CHD5: variants seen among roughly 807,000 people sequenced by gnomAD.
The protein encoded by CHD5 is ATP-dependent chromatin remodeler CHD5.
CHD5 carries 69 observed loss-of-function variants against 230.3 expected under a neutral mutation model. The ratio of observed to expected loss-of-function variants is 0.30; its 90% CI spans 0.25 to 0.37. The LOEUF is 0.37. Ranked by LOEUF, CHD5 falls within the 10% of genes least tolerant of loss-of-function variation. CHD5 has a pLI of 1.00. For synonymous variants in CHD5, 1,064 were observed against 1,065.9 expected (o/e 1.00, Z 0.03); for missense variants, 1,827 against 2,622.8 (o/e 0.70, Z 6.63).
At chr1:6,149,199 A>T in intron 8 of CHD5, 47 bp downstream of exon 8, 1 of 1,512,156 alleles carries the variant, frequency 6.6e-7, no homozygotes, top group South Asian at 1.3e-5. Flanking sequence ...GGGGTGGGGG[A>T]GCCAGGCGTG....
chr1:6,146,131 G>T lies in CHD5; in HGVS notation c.1802+81C>A. The T allele has an allele frequency of 1.4e-6, 2 of 1,396,220 alleles. No homozygotes were observed. The highest frequency in any genetic ancestry group is 2.0e-6 in the Non-Finnish European group (2 of 1,002,910). The allele number at this position is 1,396,220 out of a possible 1,614,324, so 86.5% of individuals were successfully genotyped here. A position where few individuals can be genotyped will look rare whatever the true frequency, so the allele number is the denominator to read the frequency against. On this transcript the variant is annotated intron_variant, in intron 11 of 41. Transcript: ENST00000262450. The surrounding 1 kb of genome is among the most constrained non-coding windows in gnomAD (Gnocchi z 5.1). ...CAAAGCAAGGGCCCTGGCACCCTGC[G>T]CTGCACCCATTTTACAGGGCAAAGA...
rs1204901502 is a variant in CHD5 at position 6,112,291 on chromosome 1, A to T, written c.5003-14T>A. The T allele has an allele frequency of 1.2e-6, 2 of 1,610,656 alleles. No individual in the cohort carries two copies. Among genetic ancestry groups the T allele is most frequent in the African/African-American group, 2.7e-5 (2 of 74,832 alleles). On this transcript the variant is annotated splice_polypyrimidine_tract_variant and intron_variant, in intron 34 of 41. Transcript: ENST00000262450. ...CCTTGGTGTCATCTGCCGGGGACAG[A>T]TCACATTCATTCATCCATCCATCCA...
In CHD5 at chr1:6,154,094, C is replaced by G. The variant is rs1225297305; in HGVS notation, c.745+566G>C. Among the ~76,000 whole-genome samples, 1 of 152,304 alleles carries G rather than the reference C, an allele frequency of 6.6e-6. No individual in the cohort carries two copies. Among genetic ancestry groups the G allele is most frequent in the East Asian group, 1.9e-4 (1 of 5,174 alleles). ...AGAACAGCCTCCCTGGGAAGCGAGA[C>G]CTGGCCGTGCCCAGTCCCTCCAACT... On this transcript the variant is annotated intron_variant, in intron 5 of 41. Coordinates refer to ENST00000262450, the MANE Select transcript of CHD5 (RefSeq NM_015557.3). This position sits in a 1 kb window ranked among gnomAD's most constrained non-coding sequence, Gnocchi z 7.0.
In CHD5 at chr1:6,109,993, G is replaced by A. The variant is rs1488979626; in HGVS notation, c.5383-3C>T. 1 of 1,531,522 alleles carries A rather than the reference G, an allele frequency of 6.5e-7. No individual in the cohort carries two copies. Among genetic ancestry groups the A allele is most frequent in the Non-Finnish European group, 8.8e-7 (1 of 1,142,068 alleles). The allele number at this position is 1,531,522 out of a possible 1,614,324, so 94.9% of individuals were successfully genotyped here. On this transcript the variant is annotated splice_region_variant and splice_polypyrimidine_tract_variant and intron_variant, in intron 37 of 41. Transcript: ENST00000262450. ...ATGACCAACGCCTGCTCCAGCAGCTGGGGGCGGGGCGCAGCGTCGGCCCGG... is the reference window on the plus strand; with the variant it reads ...ATGACCAACGCCTGCTCCAGCAGCTAGGGGCGGGGCGCAGCGTCGGCCCGG...
At chr1:6,158,565 C>T (rs1314860218) in intron 3 of CHD5, among the ~76,000 whole-genome samples, 4 of 152,228 alleles carry the variant, frequency 2.6e-5, no homozygotes, top group African/African-American at 9.6e-5. Flanking sequence ...GTACCAGCTA[C>T]TCAGAAGGCT....
intron 20 of CHD5, among the ~76,000 whole-genome samples, chr1:6,133,679 A>G (rs537015823): frequency 1.3e-5 from 2 of 152,252 alleles, no homozygotes; most frequent in Non-Finnish European, 2.9e-5. Context: ...ACTATGACAG[A>G]CGCAAACAAA....
chr1:6,131,809 G>T lies in CHD5; in HGVS notation c.3145-61C>A, dbSNP rs953478496. 1.3e-5 allele frequency: 14 copies of T among 1,076,982 alleles called. No individual in the cohort carries two copies. The highest frequency in any genetic ancestry group is 2.0e-4 in the Middle Eastern group (1 of 4,886). 66.7% of individuals were successfully genotyped at this position (1,076,982 alleles called of 1,614,324 possible). A position where few individuals can be genotyped will look rare whatever the true frequency, so the allele number is the denominator to read the frequency against. On this transcript the variant is annotated intron_variant, in intron 20 of 41. Transcript: ENST00000262450. The surrounding 1 kb of genome is among the most constrained non-coding windows in gnomAD (Gnocchi z 5.0). ...GAGCAAGGGGCCCCATGGGCCATGG[G>T]CGGGGACCCCGCCACAGGCAGGGGA...
intron 1 of CHD5, among the ~76,000 whole-genome samples, chr1:6,178,280 ACCTTCC>A (rs386628054): frequency 0.032 from 4,909 of 152,040 alleles, 265 homozygotes; most frequent in African/African-American, 0.11. Context: ...GACTGGGGGC[ACCTTCC>A]CTGGCCTCTT....
At position 6,129,055 on chromosome 1, in the gene CHD5, G is replaced by T. The variant is rs761577357; in HGVS notation, c.3402C>A (p.Ala1134=). 1 of 1,603,142 alleles carries T rather than the reference G, an allele frequency of 6.2e-7. No homozygotes were observed. Among genetic ancestry groups the T allele is most frequent in the Non-Finnish European group, 8.5e-7 (1 of 1,175,050 alleles). ...PHNDIQAFSR[A]HRIGQNKKVM... is the part of the protein sequence containing the mutation. ...CCTTCTTGTTCTGGCCGATGCGGTG[G>T]GCGCGGCTGAAGGCCTGGGGAGACC... The change falls in exon 23 of 42, where the codon GCC becomes GCA. Residue 1134 remains alanine (A), a synonymous_variant. Coordinates refer to ENST00000262450, the MANE Select transcript of CHD5 (RefSeq NM_015557.3). The surrounding 1 kb of genome is among the most constrained non-coding windows in gnomAD (Gnocchi z 6.8).
At position 6,134,570 on chromosome 1, in the gene CHD5, G is replaced by A. The variant is rs1170688932; in HGVS notation, c.3012+148C>T. ...GTGGCCACAGGCAACCTTCCATGATGGCCAGGGAAACCTACCATGACAGCC... is the reference window on the plus strand; with the variant it reads ...GTGGCCACAGGCAACCTTCCATGATAGCCAGGGAAACCTACCATGACAGCC... On this transcript the variant is annotated intron_variant, in intron 19 of 41. Coordinates refer to ENST00000262450, the MANE Select transcript of CHD5 (RefSeq NM_015557.3). This position sits in a 1 kb window ranked among gnomAD's most constrained non-coding sequence, Gnocchi z 6.3. 2 of 913,944 alleles carry A rather than the reference G, an allele frequency of 2.2e-6. No individual in the cohort carries two copies. The highest frequency in any genetic ancestry group is 3.5e-6 in the Non-Finnish European group (2 of 578,790). The allele number at this position is 913,944 out of a possible 1,614,324, so 56.6% of individuals were successfully genotyped here. A position where few individuals can be genotyped will look rare whatever the true frequency, so the allele number is the denominator to read the frequency against.
Position 6,106,799 on chromosome 1 carries a change from G to T in CHD5, c.5579-20C>A. ...TCAGGACTGTGGTGGGAGGCGGAGGGATGGTAGGATGCAGGGATGGAGGGG... is the reference window on the plus strand; with the variant it reads ...TCAGGACTGTGGTGGGAGGCGGAGGTATGGTAGGATGCAGGGATGGAGGGG... On this transcript the variant is annotated intron_variant, in intron 38 of 41. Coordinates refer to ENST00000262450, the MANE Select transcript of CHD5 (RefSeq NM_015557.3). 1 of 1,423,514 alleles carries T rather than the reference G, an allele frequency of 7.0e-7. No individual in the cohort carries two copies. The highest frequency in any genetic ancestry group is 1.1e-5 in the South Asian group (1 of 87,964). The allele number at this position is 1,423,514 out of a possible 1,614,324, so 88.2% of individuals were successfully genotyped here.
Position 6,128,743 on chromosome 1 carries a change from T to A in CHD5, c.3619+95A>T, listed in dbSNP as rs1883766. 165,926 of 1,270,706 alleles carry A rather than the reference T, an allele frequency of 0.13. 12,949 individuals are homozygous for A. The highest frequency in any genetic ancestry group is 0.37 in the East Asian group (15,444 of 41,256). The allele number at this position is 1,270,706 out of a possible 1,614,324, so 78.7% of individuals were successfully genotyped here. ...TGGGGGGTGCAGAAGAGAGGCTGTGTGTTGGAGCGGGCAGGGACCCAAGCA... is the reference window on the plus strand; with the variant it reads ...TGGGGGGTGCAGAAGAGAGGCTGTGAGTTGGAGCGGGCAGGGACCCAAGCA... On this transcript the variant is annotated intron_variant, in intron 23 of 41. Coordinates refer to ENST00000262450, the MANE Select transcript of CHD5 (RefSeq NM_015557.3). This position sits in a 1 kb window ranked among gnomAD's most constrained non-coding sequence, Gnocchi z 7.8.
chr1:6,115,152 A>C (rs1190495446), intron 33 of CHD5, among the ~76,000 whole-genome samples: 1 of 151,954 alleles, frequency 6.6e-6, no homozygotes, highest in Non-Finnish European at 1.5e-5. Context: ...CTCTACTAAA[A>C]ATACAAAAAA....
rs537026878 is a variant in CHD5, at chr1:6,103,400, C to G, written c.*2074G>C. Reference sequence around the variant, plus strand: ...CAAGCCTGCCTGAGAGGAAGGCGCACAGGGGAGGGACCATCAGCCCTTGGG... The same window carrying G: ...CAAGCCTGCCTGAGAGGAAGGCGCAGAGGGGAGGGACCATCAGCCCTTGGG... On this transcript the variant is annotated 3_prime_UTR_variant, in exon 42 of 42. Transcript: ENST00000262450. 6.6e-6 allele frequency: 1 copy of G among 152,670 alleles called. No homozygotes were observed. Among genetic ancestry groups the G allele is most frequent in the Non-Finnish European group, 1.5e-5 (1 of 68,326 alleles). The allele number at this position is 152,670 out of a possible 1,614,324, so 9.5% of individuals were successfully genotyped here.
chr1:6,106,727 C>T lies in CHD5; in HGVS notation c.5631G>A (p.Arg1877=), dbSNP rs1263487415. 7 of 1,611,788 alleles carry T rather than the reference C, an allele frequency of 4.3e-6. No individual in the cohort carries two copies. In the South Asian group the frequency reaches 7.7e-5, roughly 18 times the overall value. Residue 1877 remains arginine, a synonymous_variant, in exon 39 of 42, where the codon CGG becomes CGA. Coordinates refer to ENST00000262450, the MANE Select transcript of CHD5 (RefSeq NM_015557.3). ...GGATGCGGGACAGCATGGATGGCAG[C>T]CGGGTCACGTCGGCCTTCATGTCGC... The part of the protein sequence containing the change: ...LLSDMKADVT[R]LPSMLSRIPP...
rs764300838 is a variant in CHD5, at chr1:6,149,436, T to C, written c.995-24A>G. ...AACTAGGGTAGGGGAGAGGCAGTCATGGAAGTCCTCATCCACACTCCCAGC... is the reference window on the plus strand; with the variant it reads ...AACTAGGGTAGGGGAGAGGCAGTCACGGAAGTCCTCATCCACACTCCCAGC... On this transcript the variant is annotated intron_variant, in intron 7 of 41. Coordinates refer to ENST00000262450, the MANE Select transcript of CHD5 (RefSeq NM_015557.3). 1.1e-5 allele frequency: 17 copies of C among 1,584,298 alleles called. 1 individual carries two copies. The Middle Eastern group carries it at 1.5e-3, about 141-fold the overall frequency.
chr1:6,150,692 G>A (rs1199998957), intron 7 of CHD5, among the ~76,000 whole-genome samples: 1 of 152,084 alleles, frequency 6.6e-6, no homozygotes, highest in Non-Finnish European at 1.5e-5. Flanking sequence ...GTGGGTGGGG[G>A]GTGACTGAAG....
chr1:6,115,136 C>T (rs1270410121), intron 33 of CHD5, among the ~76,000 whole-genome samples: 4 of 151,746 alleles, frequency 2.6e-5, no homozygotes, highest in African/African-American at 9.7e-5. Flanking sequence ...CACAGTGAAA[C>T]CCTGTCTCTA....
chr1:6,143,693 A>T, intron 13 of CHD5, 130 bp downstream of exon 13: 1 of 790,634 alleles, frequency 1.3e-6, no homozygotes, highest in Non-Finnish European at 2.1e-6. Flanking sequence ...CATGGGCATG[A>T]CACTGTCTGC....
Sources: gnomAD v4.1 joint callset for allele counts (sites outside exome capture counted in the v4.1 genomes callset) on GRCh38, gnomAD v4.1.1 for gene constraint, Gnocchi (gnomAD v3.1) non-coding constraint, MANE v1.5 for transcripts, NCBI Gene and HGNC (gene_info 2026-07-23, HGNC 2026-07-21) for gene names.